The following ZC3H4 variants were observed in gnomAD, a reference collection of about 807,000 sequenced individuals.
ZC3H4 encodes the protein zinc finger CCCH-type containing 4.
A neutral mutation model predicts 108.3 loss-of-function variants in ZC3H4; 13 were observed. The observed-to-expected ratio is 0.12, with a 90% CI of 0.08 to 0.19. The LOEUF (loss-of-function observed/expected upper bound fraction) is 0.19. Ranked by LOEUF, ZC3H4 falls within the 10% of genes least tolerant of loss-of-function variation. The probability of loss-of-function intolerance (pLI) is 1.00; values close to 1 mark genes in which losing one functional copy is unlikely to be tolerated. For synonymous variants in ZC3H4, 917 were observed against 749.6 expected, an observed-to-expected ratio of 1.22 and a Z score of -3.65; for missense variants, 1,734 against 1,838.8, an observed-to-expected ratio of 0.94 and a Z score of 1.04.
chr19:47,090,221 C>A (rs764457154), intron 4 of ZC3H4, 32 bp from the exon 5 acceptor site: 18 of 1,612,230 alleles, frequency 1.1e-5, no homozygotes, highest in Admixed American at 5.0e-5. Flanking sequence ...AAGAGGTGAG[C>A]CGGATCCCAC....
intron 2 of ZC3H4, among the ~76,000 whole-genome samples, chr19:47,102,598 G>A (rs954851816): frequency 3.3e-5 from 5 of 152,106 alleles, no homozygotes; most frequent in Non-Finnish European, 7.4e-5. Context: ...GCACTTAGCA[G>A]GAACCTTGCC....
intron 14 of ZC3H4, among the ~76,000 whole-genome samples, chr19:47,068,162 AT>A (rs1430222668): frequency 2.0e-5 from 3 of 152,366 alleles, no homozygotes; most frequent in South Asian, 4.1e-4. Flanking sequence ...TATCATGCCC[AT>A]TTGACAGATG....
chr19:47,106,864 A>G (rs1440462531), intron 2 of ZC3H4, among the ~76,000 whole-genome samples: 1 of 152,212 alleles, frequency 6.6e-6, no homozygotes, highest in East Asian at 1.9e-4. Flanking sequence ...CAAAGGAGTG[A>G]AGAATCCTGG....
intron 6 of ZC3H4, 100 bp from the exon 7 acceptor site, chr19:47,085,514 C>CTTCA: frequency 1.8e-6 from 2 of 1,093,344 alleles, no homozygotes; most frequent in Non-Finnish European, 2.6e-6. Context: ...GGTGACCATC[C>CTTCA]AGGGGACTCA....
intron 11 of ZC3H4, among the ~76,000 whole-genome samples, chr19:47,073,356 G>A (rs1046696568): frequency 6.6e-6 from 1 of 152,074 alleles, no homozygotes; most frequent in Non-Finnish European, 1.5e-5. Context: ...GATCACCTGA[G>A]GTCAGGAGTT....
Position 47,112,607 on chromosome 19 carries a change from T to A in ZC3H4, c.-5-18A>T. The A allele has an allele frequency of 8.2e-7, 1 of 1,212,670 alleles. No individual in the cohort carries two copies. Among genetic ancestry groups the A allele is most frequent in the South Asian group, 4.0e-5 (1 of 24,882 alleles). The allele number at this position is 1,212,670 out of a possible 1,614,324, so 75.1% of individuals were successfully genotyped here. ...CATAGTTCCTTTGGGGGGGAGGGGATGTTAATGCACGAAAAAGGACTGCTT... is the reference window on the plus strand; with the variant it reads ...CATAGTTCCTTTGGGGGGGAGGGGAAGTTAATGCACGAAAAAGGACTGCTT... On this transcript the variant is annotated intron_variant, in intron 1 of 14. Coordinates refer to ENST00000253048, the MANE Select transcript of ZC3H4 (RefSeq NM_015168.2).
At chr19:47,074,165 G>A (rs1411085388) in intron 11 of ZC3H4, among the ~76,000 whole-genome samples, 1 of 152,140 alleles carries the variant, frequency 6.6e-6, no homozygotes, top group Non-Finnish European at 1.5e-5. Flanking sequence ...TTATTCCCAT[G>A]TGGCTCAACG....
chr19:47,082,441 G>T, intron 9 of ZC3H4, 146 bp from the exon 10 acceptor site: 1 of 644,208 alleles, frequency 1.6e-6, no homozygotes, highest in African/African-American at 1.8e-5. Context: ...GAAGACAGGT[G>T]TAGGAAGGGC....
intron 2 of ZC3H4, 47 bp downstream of exon 2, chr19:47,112,362 CCTTCCTCCTCCTCCT>C (rs1383656872): frequency 8.2e-7 from 1 of 1,224,752 alleles, no homozygotes; most frequent in African/African-American, 1.6e-5. Flanking sequence ...CGGCCGCCCC[CCTTCCTCCTCCTCCT>C]CTTCCTCCCC....
Position 47,067,120 on chromosome 19 carries a change from G to A in ZC3H4, c.3148C>T (p.Leu1050Phe). 1 of 1,611,980 alleles carries A rather than the reference G, an allele frequency of 6.2e-7. No individual in the cohort carries two copies. The highest frequency in any genetic ancestry group is 8.5e-7 in the Non-Finnish European group (1 of 1,178,974). ...GAGCCGGTGGCATTGACTGTCTTGA[G>A]GATGCGAGACAGAAGTTCAAAGTCG... ...LPDFELLSRI[L>F]KTVNATGSSA... The change falls in exon 15 of 15, where the codon CTC (leucine) becomes TTC (phenylalanine). Residue 1050 changes from leucine to phenylalanine, a missense_variant. This residue lies in a region of ZC3H4 where 518 missense variants were observed against 499.6 expected (regional missense o/e 1.04). Coordinates refer to ENST00000253048, the MANE Select transcript of ZC3H4 (RefSeq NM_015168.2). The surrounding 1 kb of genome is among the most constrained non-coding windows in gnomAD (Gnocchi z 6.4).
At chr19:47,074,164 T>C (rs924350583) in intron 11 of ZC3H4, among the ~76,000 whole-genome samples, 10 of 152,206 alleles carry the variant, frequency 6.6e-5, no homozygotes, top group South Asian at 2.1e-4. Flanking sequence ...GTTATTCCCA[T>C]GTGGCTCAAC....
At chr19:47,076,341 A>ACACACT (rs1260760165) in intron 11 of ZC3H4, among the ~76,000 whole-genome samples, 1 of 152,068 alleles carries the variant, frequency 6.6e-6, no homozygotes, top group Non-Finnish European at 1.5e-5. Context: ...ACACACACAC[A>ACACACT]CACACTCACA....
intron 13 of ZC3H4, among the ~76,000 whole-genome samples, chr19:47,070,170 A>T (rs2057301123): frequency 6.6e-6 from 1 of 152,102 alleles, no homozygotes; most frequent in Non-Finnish European, 1.5e-5. Flanking sequence ...GCCCCACAGA[A>T]CGCTCTGCAG....
chr19:47,088,886 C>G (rs984150487), intron 5 of ZC3H4, among the ~76,000 whole-genome samples: 1 of 152,052 alleles, frequency 6.6e-6, no homozygotes, highest in Non-Finnish European at 1.5e-5. Flanking sequence ...AGGGGCTGCC[C>G]CAGGGAGGTA....
chr19:47,070,136 G>A (rs140451037), intron 13 of ZC3H4, among the ~76,000 whole-genome samples: 15 of 151,962 alleles, frequency 9.9e-5, no homozygotes, highest in Admixed American at 5.2e-4. Flanking sequence ...CGAAACGGAG[G>A]GGGGGGCGTC....
In ZC3H4 at chr19:47,069,269, C is replaced by T. The variant is rs554387468; in HGVS notation, c.2221G>A (p.Asp741Asn). Residue 741 changes from aspartate (D) to asparagine (N), a missense_variant, in exon 14 of 15, where the codon GAC becomes AAC. Asp to Asn is a conservative substitution (Grantham distance 23). Around this residue, in one of 9 missense-constraint regions of ZC3H4, gnomAD observed 540 missense variants for 484.1 expected, o/e 1.12. Transcript: ENST00000253048. ...GGGGGCCCTCCCTCAGAGAAGCTGT[C>T]GGGCTCCAGAGGGTGCTCAGGGAAG... ...HLFPEHPLEP[D>N]SFSEGGPPGR... 24 of 1,613,892 alleles carry T rather than the reference C, an allele frequency of 1.5e-5. No individual in the cohort carries two copies. The highest frequency in any genetic ancestry group is 3.3e-5 in the Admixed American group (2 of 60,010).
rs1339988234 is a variant in ZC3H4, at chr19:47,072,749, G to A, written c.1441-36C>T. 6.2e-7 allele frequency: 1 copy of A among 1,609,388 alleles called. No homozygotes were observed. The highest frequency in any genetic ancestry group is 8.5e-7 in the Non-Finnish European group (1 of 1,179,280). On this transcript the variant is annotated intron_variant, in intron 11 of 14. Coordinates refer to ENST00000253048, the MANE Select transcript of ZC3H4 (RefSeq NM_015168.2). The surrounding 1 kb of genome is among the most constrained non-coding windows in gnomAD (Gnocchi z 5.6). Reference sequence around the variant, plus strand: ...GAAAGAACAAAAGAAGGTGTGGACGGGGTCAGGATGGAAACGGACCTCTCC... The same window carrying A: ...GAAAGAACAAAAGAAGGTGTGGACGAGGTCAGGATGGAAACGGACCTCTCC...
At chr19:47,112,086 C>T in intron 2 of ZC3H4, 3 of 1,018,182 alleles carry the variant, frequency 2.9e-6, no homozygotes, top group Non-Finnish European at 3.5e-6. Context: ...CAGCACCCCC[C>T]ACGGCGCCCC....
In ZC3H4 at chr19:47,094,960, A is replaced by G. The variant is rs189467988; in HGVS notation, c.162-352T>C. Among the ~76,000 whole-genome samples, 253 of 152,366 alleles carry G rather than the reference A, an allele frequency of 1.7e-3. 2 individuals carry two copies. The highest frequency in any genetic ancestry group is 5.9e-3 in the African/African-American group (245 of 41,584). On this transcript the variant is annotated intron_variant, in intron 2 of 14. Coordinates refer to ENST00000253048, the MANE Select transcript of ZC3H4 (RefSeq NM_015168.2). ...AGGAAGAGCCCCATCTTGGGGATTC[A>G]TAATGCTTAACGCTGCACAACTTCC...
Sources: gnomAD v4.1 joint callset for allele counts (sites outside exome capture counted in the v4.1 genomes callset) on GRCh38, gnomAD v4.1.1 for gene constraint, gnomAD v4.1.1 regional missense constraint, Gnocchi (gnomAD v3.1) non-coding constraint, MANE v1.5 for transcripts, NCBI Gene and HGNC (gene_info 2026-07-23, HGNC 2026-07-21) for gene names.